Variants in PLEKHD1 observed in about 807,000 individuals in gnomAD.
PLEKHD1 encodes pleckstrin homology and coiled-coil domain containing D1, also known as pleckstrin homology domain-containing family D member 1.
PLEKHD1 carries 51 observed loss-of-function variants against 69.2 expected under a neutral mutation model. The ratio of observed to expected loss-of-function variants is 0.74; its 90% CI spans 0.59 to 0.93. The LOEUF (loss-of-function observed/expected upper bound fraction) is 0.93, where lower values mean the gene tolerates loss of function less well. Ranked by LOEUF, PLEKHD1 falls within the 40% of genes least tolerant of loss-of-function variation. PLEKHD1 has a pLI of 0.00. For missense variants in PLEKHD1, 584 were observed against 641.0 expected, an observed-to-expected ratio of 0.91 and a Z score of 0.96; for synonymous variants, 236 against 244.7, an observed-to-expected ratio of 0.96 and a Z score of 0.33.
chr14:69,528,474 G>C lies in PLEKHD1; in HGVS notation c.*55G>C. 1.3e-6 allele frequency: 2 copies of C among 1,524,858 alleles called. No homozygotes were observed. The highest frequency in any genetic ancestry group is 4.9e-5 in the East Asian group (2 of 40,752). 94.5% of individuals were successfully genotyped at this position (1,524,858 alleles called of 1,614,324 possible). A position where few individuals can be genotyped will look rare whatever the true frequency, so the allele number is the denominator to read the frequency against. ...CCCCTGGATGGGCGGGGGAGGGGAA[G>C]GGGTGGCAGAGGGAGGCCTCACTCT... On this transcript the variant is annotated 3_prime_UTR_variant, in exon 13 of 13. Transcript: ENST00000322564.
chr14:69,485,889 C>T (rs1882644938), intron 1 of PLEKHD1, among the ~76,000 whole-genome samples: 2 of 152,210 alleles, frequency 1.3e-5, no homozygotes, highest in African/African-American at 4.8e-5. Context: ...CCAACTCAGA[C>T]GCGACTCCGC....
upstream of PLEKHD1, among the ~76,000 whole-genome samples, chr14:69,482,795 C>A (rs1298274883): frequency 6.6e-6 from 1 of 151,812 alleles, no homozygotes; most frequent in African/African-American, 2.4e-5. Context: ...AAGCAGGACA[C>A]CTGTAATCCC....
At chr14:69,484,726 G>T (rs1882612780), upstream of PLEKHD1, 1 of 452,568 alleles carries the variant, frequency 2.2e-6, no homozygotes, top group Admixed American at 4.0e-5. Flanking sequence ...CACCCTCCCC[G>T]CGGAGTTCCC....
At chr14:69,514,249 T>C (rs1883332034) in intron 6 of PLEKHD1, among the ~76,000 whole-genome samples, 1 of 150,580 alleles carries the variant, frequency 6.6e-6, no homozygotes, top group African/African-American at 2.5e-5. Flanking sequence ...TATTCTGCTC[T>C]GGGTTTTTTT....
intron 2 of PLEKHD1, 58 bp from the exon 3 acceptor site, chr14:69,500,519 A>G (rs1472263591): frequency 1.4e-6 from 2 of 1,434,324 alleles, no homozygotes; most frequent in Non-Finnish European, 1.9e-6. Flanking sequence ...GGCCCCCAGA[A>G]CCCCTGAGTG....
chr14:69,485,578 C>G (rs768136682), intron 1 of PLEKHD1, among the ~76,000 whole-genome samples: 52 of 152,070 alleles, frequency 3.4e-4, no homozygotes, highest in Non-Finnish European at 7.1e-4. Flanking sequence ...ACCCTTAAGA[C>G]GGAGAGGGAC....
chr14:69,506,868 T>A (rs1041663490), intron 6 of PLEKHD1, among the ~76,000 whole-genome samples: 1 of 148,806 alleles, frequency 6.7e-6, no homozygotes, highest in Non-Finnish European at 1.5e-5. Flanking sequence ...CTCATTTCAC[T>A]GTCCTAAAAA....
At chr14:69,469,745 G>A in the PLEKHD1 span, among the ~76,000 whole-genome samples, 4 of 151,238 alleles carry the variant, frequency 2.6e-5, no homozygotes, top group East Asian at 2.0e-4. Context: ...TTTTTGAGAC[G>A]GAGTCTCACT....
chr14:69,496,014 G>A (rs1467522273), intron 1 of PLEKHD1, among the ~76,000 whole-genome samples: 3 of 152,206 alleles, frequency 2.0e-5, no homozygotes, highest in Admixed American at 2.0e-4. Flanking sequence ...GCAGTGCTTG[G>A]CACACAGTGG....
the PLEKHD1 span, among the ~76,000 whole-genome samples, chr14:69,468,518 G>A: frequency 2.6e-5 from 4 of 151,952 alleles, no homozygotes; most frequent in Non-Finnish European, 4.4e-5. Flanking sequence ...CACATTTGTC[G>A]ACAATCACCA....
At position 69,484,933 on chromosome 14, in the gene PLEKHD1, G is replaced by A. The variant is rs1297031341; in HGVS notation, c.-33G>A. ...GTCCCTGCTGACCCCGGGGAGGTGG[G>A]GTCCGGGCCGGGCACAGCCCCGCTG... On this transcript the variant is annotated 5_prime_UTR_variant, in exon 1 of 13. Transcript: ENST00000322564. 1.2e-5 allele frequency: 19 copies of A among 1,544,930 alleles called. No individual in the cohort carries two copies. Among genetic ancestry groups the A allele is most frequent in the Non-Finnish European group, 1.5e-5 (17 of 1,142,754 alleles).
chr14:69,522,479 C>A, intron 7 of PLEKHD1, 102 bp downstream of exon 7: 1 of 1,223,420 alleles, frequency 8.2e-7, no homozygotes, highest in Admixed American at 2.2e-5. Context: ...GAGATGCTAT[C>A]TTCCCAAGGC....
At chr14:69,491,481 C>A (rs561899290) in intron 1 of PLEKHD1, among the ~76,000 whole-genome samples, 1 of 152,204 alleles carries the variant, frequency 6.6e-6, no homozygotes, top group Non-Finnish European at 1.5e-5. Context: ...TATTGTCCTA[C>A]AGGATTTTCC....
At chr14:69,478,794 A>C in the PLEKHD1 span, among the ~76,000 whole-genome samples, 1 of 152,176 alleles carries the variant, frequency 6.6e-6, no homozygotes, top group Non-Finnish European at 1.5e-5. Flanking sequence ...AGGAACTTCC[A>C]AACTTTCCCA....
At chr14:69,488,433 G>A (rs548493031) in intron 1 of PLEKHD1, among the ~76,000 whole-genome samples, 4 of 152,268 alleles carry the variant, frequency 2.6e-5, no homozygotes, top group African/African-American at 9.6e-5. Flanking sequence ...GTGACCCTGG[G>A]GTTTGGTCTC....
At chr14:69,494,290 C>G (rs1418986950) in intron 1 of PLEKHD1, among the ~76,000 whole-genome samples, 1 of 152,092 alleles carries the variant, frequency 6.6e-6, no homozygotes, top group Non-Finnish European at 1.5e-5. Context: ...GTAACTTGCC[C>G]CAGTCACATT....
At chr14:69,494,621 A>C (rs762709273) in intron 1 of PLEKHD1, among the ~76,000 whole-genome samples, 4 of 152,282 alleles carry the variant, frequency 2.6e-5, no homozygotes, top group Non-Finnish European at 5.9e-5. Flanking sequence ...GCATGAGAAC[A>C]GCTGCAGAAA....
At chr14:69,512,893 C>T (rs1475637859) in intron 6 of PLEKHD1, among the ~76,000 whole-genome samples, 1 of 148,764 alleles carries the variant, frequency 6.7e-6, no homozygotes, top group South Asian at 2.1e-4. Flanking sequence ...AAGGCCCAGT[C>T]TCTAAGAAAA....
intron 6 of PLEKHD1, among the ~76,000 whole-genome samples, chr14:69,521,319 T>C (rs1304609538): frequency 2.0e-5 from 3 of 152,174 alleles, no homozygotes; most frequent in Non-Finnish European, 4.4e-5. Context: ...TCATAGGGTT[T>C]GAACGCAGGC....
Sources: gnomAD v4.1 joint callset for allele counts (sites outside exome capture counted in the v4.1 genomes callset) on GRCh38, gnomAD v4.1.1 for gene constraint, MANE v1.5 for transcripts, NCBI Gene and HGNC (gene_info 2026-07-23, HGNC 2026-07-21) for gene names.